ATP11A: variants seen among roughly 807,000 people sequenced by gnomAD.
The protein encoded by ATP11A is phospholipid-transporting ATPase IH.
In ATP11A, 81 loss-of-function variants were observed where a neutral mutation model predicts 154.4. The ratio of observed to expected loss-of-function variants is 0.52; its 90% CI spans 0.44 to 0.63. The LOEUF (loss-of-function observed/expected upper bound fraction) is 0.63, where lower values mean the gene tolerates loss of function less well. Ranked by LOEUF, ATP11A falls within the 30% of genes least tolerant of loss-of-function variation. ATP11A has a pLI of 0.00. For synonymous variants in ATP11A, 623 were observed against 585.9 expected (o/e 1.06, Z -0.91); for missense variants, 1,316 against 1,474.3 (o/e 0.89, Z 1.76).
At chr13:112,729,865 A>G (rs1269128128) in intron 1 of ATP11A, among the ~76,000 whole-genome samples, 1 of 152,258 alleles carries the variant, frequency 6.6e-6, no homozygotes, top group African/African-American at 2.4e-5. Context: ...ATCTGATTGA[A>G]GCAAACGGGG....
Position 112,860,325 on chromosome 13 carries a change from C to G in ATP11A, c.2766C>G (p.Ile922Met). The G allele has an allele frequency of 6.2e-7, 1 of 1,614,200 alleles. No individual in the cohort carries two copies. Among genetic ancestry groups the G allele is most frequent in the Non-Finnish European group, 8.5e-7 (1 of 1,180,034 alleles). The stretch of plus-strand genomic sequence containing the variant: ...CCGCGTATCTGACCCTCTACAACAT[C>G]AGCTTCACCTCCCTCCCCATCCTCC... ...YDTAYLTLYNISFTSLPILLY... is the reference protein window; with the variant it reads ...YDTAYLTLYNMSFTSLPILLY... Residue 922 changes from isoleucine to methionine, a missense_variant, in exon 24 of 30, where the codon ATC becomes ATG. This residue lies in a region of ATP11A where 294 missense variants were observed against 290.2 expected (regional missense o/e 1.01). Transcript: ENST00000375645.
At position 112,697,558 on chromosome 13, in the gene ATP11A, CTTTAT is replaced by C. The variant is rs1190036412; in HGVS notation, c.39+7112_39+7116del. Among the ~76,000 whole-genome samples the C allele has an allele frequency of 4.6e-5, 7 of 152,088 alleles. No individual in the cohort carries two copies. The East Asian group carries it at 1.2e-3, about 25-fold the overall frequency. ...AGGGCCTCCTCATAGTTTTAAAACT[CTTTAT>C]TTTATTTTTATTTTTTATTTTTGAG... On this transcript the variant is annotated intron_variant, in intron 1 of 29. Coordinates refer to ENST00000375645, the MANE Select transcript of ATP11A (RefSeq NM_015205.3). This position sits in a 1 kb window ranked among gnomAD's most constrained non-coding sequence, Gnocchi z 4.0.
chr13:112,739,680 T>C (rs2139740383), intron 1 of ATP11A, among the ~76,000 whole-genome samples: 1 of 152,380 alleles, frequency 6.6e-6, no homozygotes, highest in Admixed American at 6.5e-5. Context: ...GATGTTCTTG[T>C]GTTCTTGGCA....
At chr13:112,815,878 C>T (rs2078632113) in intron 5 of ATP11A, among the ~76,000 whole-genome samples, 1 of 152,166 alleles carries the variant, frequency 6.6e-6, no homozygotes, top group African/African-American at 2.4e-5. Flanking sequence ...TGTGTTTTTG[C>T]TGCGGAAGTT....
At position 112,862,569 on chromosome 13, in the gene ATP11A, C is replaced by T. The variant is rs138605174; in HGVS notation, c.2985C>T (p.Asn995=). 2.2e-5 allele frequency: 35 copies of T among 1,614,174 alleles called. No individual in the cohort carries two copies. The highest frequency in any genetic ancestry group is 3.3e-4 in the Middle Eastern group (2 of 6,060). The change falls in exon 25 of 30, where the codon AAC becomes AAT. Residue 995 remains asparagine, a synonymous_variant. Transcript: ENST00000375645. ...TTGAAAATACAACTGTGACAAGCAA[C>T]GGGCAGGTCAGTACAGAGCTCGATT... ...FVFENTTVTS[N]GQIFGNWTFG...
chr13:112,813,248 G>A (rs1355034536), intron 5 of ATP11A, among the ~76,000 whole-genome samples: 2 of 152,008 alleles, frequency 1.3e-5, no homozygotes, highest in African/African-American at 2.4e-5. Context: ...AGGTAATTAC[G>A]GGATCACATG....
rs1334900086 is a variant in ATP11A at position 112,824,352 on chromosome 13, A to G, written c.799A>G (p.Ile267Val). The G allele has an allele frequency of 8.1e-6, 13 of 1,613,762 alleles. No individual in the cohort carries two copies. Among genetic ancestry groups the G allele is most frequent in the East Asian group, 4.5e-5 (2 of 44,890 alleles). ...KNTEKIFGVA[I>V]YTGMETKMAL... ...GCTCTTCCTCTCTGTAGGTGTGGCTATTTACACGGGAATGGAAACCAAGAT... is the reference window on the plus strand; with the variant it reads ...GCTCTTCCTCTCTGTAGGTGTGGCTGTTTACACGGGAATGGAAACCAAGAT... Residue 267 changes from isoleucine (I) to valine (V), a missense_variant, in exon 10 of 30, where the codon ATT becomes GTT. Coordinates refer to ENST00000375645, the MANE Select transcript of ATP11A (RefSeq NM_015205.3).
chr13:112,838,063 C>A lies in ATP11A; in HGVS notation c.1705+1812C>A, dbSNP rs1206989767. Reference sequence around the variant, plus strand: ...CCACAGTGAGATGTCTACTGATGGTCATAGGATGAGGAACAATCTGTGTGT... The same window carrying A: ...CCACAGTGAGATGTCTACTGATGGTAATAGGATGAGGAACAATCTGTGTGT... On this transcript the variant is annotated intron_variant, in intron 16 of 29. Transcript: ENST00000375645. This position sits in a 1 kb window ranked among gnomAD's most constrained non-coding sequence, Gnocchi z 7.3. 6.6e-6 allele frequency among the ~76,000 whole-genome samples: 1 copy of A among 152,150 alleles called. No individual in the cohort carries two copies. Among genetic ancestry groups the A allele is most frequent in the African/African-American group, 2.4e-5 (1 of 41,438 alleles).
intron 1 of ATP11A, among the ~76,000 whole-genome samples, chr13:112,712,591 C>T (rs1035699192): frequency 1.3e-5 from 2 of 152,152 alleles, no homozygotes; most frequent in South Asian, 2.1e-4. Flanking sequence ...GTGATGGTCC[C>T]GGCTGGTCAG....
rs1440701796 is a variant in ATP11A at position 112,859,868 on chromosome 13, C to T, written c.2727+416C>T. ...CATAGGGGAAGAAGACAGTTCCCAT[C>T]CGGGAGGGGTGAAGGACTCCCCGGG... On this transcript the variant is annotated intron_variant, in intron 23 of 29. Transcript: ENST00000375645. This position sits in a 1 kb window ranked among gnomAD's most constrained non-coding sequence, Gnocchi z 4.3. Among the ~76,000 whole-genome samples the T allele has an allele frequency of 6.6e-6, 1 of 152,198 alleles. No homozygotes were observed. Among genetic ancestry groups the T allele is most frequent in the East Asian group, 1.9e-4 (1 of 5,194 alleles).
At chr13:112,728,217 T>A (rs1352465161) in intron 1 of ATP11A, among the ~76,000 whole-genome samples, 1 of 152,222 alleles carries the variant, frequency 6.6e-6, no homozygotes, top group African/African-American at 2.4e-5. Flanking sequence ...ATAACTGGAC[T>A]GGTGGACCCA....
intron 1 of ATP11A, among the ~76,000 whole-genome samples, chr13:112,764,716 G>A (rs548147651): frequency 1.4e-4 from 21 of 152,340 alleles, no homozygotes; most frequent in African/African-American, 3.8e-4. Flanking sequence ...TGATGGGCTC[G>A]TCTGCCTGGG....
chr13:112,812,710 A>T (rs921367085), intron 5 of ATP11A, among the ~76,000 whole-genome samples: 3 of 152,244 alleles, frequency 2.0e-5, no homozygotes, highest in African/African-American at 7.2e-5. Flanking sequence ...AAGCATTTAA[A>T]CATTTTCACT....
At chr13:112,881,243 C>T in intron 29 of ATP11A, 1 of 990,960 alleles carries the variant, frequency 1.0e-6, no homozygotes, top group Non-Finnish European at 1.2e-6. Context: ...CTGGTCAGAC[C>T]CACAGGGCCC....
At chr13:112,819,050 C>G (rs1291877276) in intron 6 of ATP11A, among the ~76,000 whole-genome samples, 1 of 152,222 alleles carries the variant, frequency 6.6e-6, no homozygotes, top group Non-Finnish European at 1.5e-5. Context: ...AGTGTCTACC[C>G]TTGAAGAATT....
At chr13:112,757,998 C>T (rs141099428) in intron 1 of ATP11A, among the ~76,000 whole-genome samples, 7 of 152,242 alleles carry the variant, frequency 4.6e-5, no homozygotes, top group Admixed American at 2.6e-4. Context: ...GCCACATGCA[C>T]GAGTGCGGGA....
At chr13:112,837,915 G>A (rs1338330889) in intron 16 of ATP11A, among the ~76,000 whole-genome samples, 1 of 152,074 alleles carries the variant, frequency 6.6e-6, no homozygotes, top group African/African-American at 2.4e-5. Flanking sequence ...CAGGAGGGAG[G>A]AGGGTGCCAT....
At chr13:112,858,441 T>G (rs1594196470) in intron 22 of ATP11A, 151 bp downstream of exon 22, 3 of 808,206 alleles carry the variant, frequency 3.7e-6, no homozygotes, top group Non-Finnish European at 3.6e-6. Context: ...CTGATTGCAG[T>G]CATCTCTTGC....
intron 20 of ATP11A, among the ~76,000 whole-genome samples, chr13:112,857,094 C>A (rs1326702347): frequency 2.6e-5 from 4 of 152,156 alleles, no homozygotes; most frequent in African/African-American, 9.7e-5. Flanking sequence ...TTCCATAGTA[C>A]TTTTTTAAGT....
Sources: gnomAD v4.1 joint callset for allele counts (sites outside exome capture counted in the v4.1 genomes callset) on GRCh38, gnomAD v4.1.1 for gene constraint, gnomAD v4.1.1 regional missense constraint, Gnocchi (gnomAD v3.1) non-coding constraint, MANE v1.5 for transcripts, NCBI Gene and HGNC (gene_info 2026-07-23, HGNC 2026-07-21) for gene names.